Variants in PSG5 observed in about 807,000 individuals in gnomAD.
PSG5 encodes pregnancy specific beta-1-glycoprotein 5.
In PSG5, 53 loss-of-function variants were observed where a neutral mutation model predicts 37.7. The ratio of observed to expected loss-of-function variants is 1.41; its 90% CI spans 1.13 to 1.77. The LOEUF (loss-of-function observed/expected upper bound fraction) is 1.77. PSG5 is among the 40% of genes most tolerant of loss of function. PSG5 has a pLI of 0.00. For missense variants in PSG5, 547 were observed against 405.2 expected (o/e 1.35, Z -3.00); for synonymous variants, 221 against 155.4 (o/e 1.42, Z -3.14).
chr19:43,172,774 A>G (rs1450757261), intron 4 of PSG5, among the ~76,000 whole-genome samples: 2 of 151,678 alleles, frequency 1.3e-5, no homozygotes, highest in Non-Finnish European at 2.9e-5. Flanking sequence ...CATGAATTGG[A>G]AGACTCAATA....
intron 1 of PSG5, among the ~76,000 whole-genome samples, 154 bp from the exon 2 acceptor site, chr19:43,185,301 G>A (rs1966909882): frequency 6.6e-6 from 1 of 151,146 alleles, no homozygotes; most frequent in Non-Finnish European, 1.5e-5. Flanking sequence ...ATGTTAGTTT[G>A]TGTGTGTGTA....
rs372725278 is a variant in PSG5, at chr19:43,178,832, G to A, written c.431-2684C>T. 1.6e-5 allele frequency: 26 copies of A among 1,612,092 alleles called. No individual in the cohort carries two copies. In the African/African-American group the frequency reaches 3.4e-4, roughly 21 times the overall value. ...TGAGAGGCCTGGCCTCTGGCCATGT[G>A]TATTTGGGATGGCAGCCTGGCTCAC... On this transcript the variant is annotated intron_variant, in intron 2 of 5. Transcript: ENST00000342951.
intron 2 of PSG5, among the ~76,000 whole-genome samples, chr19:43,184,147 G>T (rs1240884908): frequency 6.6e-6 from 1 of 151,632 alleles, no homozygotes; most frequent in Non-Finnish European, 1.5e-5. Flanking sequence ...AAAGCAGTTG[G>T]CTGATGTCCT....
At chr19:43,172,872 C>A (rs149517958) in intron 4 of PSG5, among the ~76,000 whole-genome samples, 2,191 of 151,520 alleles carry the variant, frequency 0.014, 92 homozygotes, top group African/African-American at 0.05. Context: ...CAGAAAAAGA[C>A]AAATCTGTCC....
intron 4 of PSG5, among the ~76,000 whole-genome samples, chr19:43,173,671 T>C (rs1406497435): frequency 6.6e-6 from 1 of 151,638 alleles, no homozygotes; most frequent in Admixed American, 6.6e-5. Context: ...TCACACACTT[T>C]AGGATGGCTT....
rs1969007378 is a variant in PSG5 at position 43,176,161 on chromosome 19, C to G, written c.431-13G>C. 3 of 1,610,392 alleles carry G rather than the reference C, an allele frequency of 1.9e-6. No individual in the cohort carries two copies. The highest frequency in any genetic ancestry group is 1.1e-5 in the South Asian group (1 of 90,992). The stretch of plus-strand genomic sequence containing the variant: ...TTGGGCAGCTTCACTGTGTGGATAA[C>G]AGAGAGAAGATTGTCCTGTGTGGCA... On this transcript the variant is annotated splice_polypyrimidine_tract_variant and intron_variant, in intron 2 of 5. Coordinates refer to ENST00000342951, the MANE Select transcript of PSG5 (RefSeq NM_002781.4).
At chr19:43,182,855 T>G (rs1371561292) in intron 2 of PSG5, among the ~76,000 whole-genome samples, 1 of 148,252 alleles carries the variant, frequency 6.7e-6, no homozygotes, top group Admixed American at 6.8e-5. Flanking sequence ...CAGTGGAAGC[T>G]CATTCTCTTA....
chr19:43,172,047 A>C (rs1393971736), intron 4 of PSG5, among the ~76,000 whole-genome samples: 1 of 151,352 alleles, frequency 6.6e-6, no homozygotes, highest in Non-Finnish European at 1.5e-5. Flanking sequence ...TTCTAATAAA[A>C]TAATGATTAT....
intron 2 of PSG5, among the ~76,000 whole-genome samples, chr19:43,176,539 C>T (rs558478621): frequency 6.6e-6 from 1 of 151,538 alleles, no homozygotes; most frequent in Non-Finnish European, 1.5e-5. Context: ...CTTTGTCCCC[C>T]TATATGTGAT....
In PSG5 at chr19:43,185,007, T is replaced by G; in HGVS notation, c.205A>C (p.Lys69Gln). Reference protein sequence around the residue: ...PQNLAGYIWYKGQLMDLYHYI... With the variant: ...PQNLAGYIWYQGQLMDLYHYI... ...TGGTAGAGGTCCATCAGTTGTCCTT[T>G]GTACCAGATGTAGCCAGCAAGATTC... Residue 69 changes from lysine to glutamine, a missense_variant, in exon 2 of 6, where the codon AAA becomes CAA. Transcript: ENST00000342951. The G allele has an allele frequency of 6.2e-7, 1 of 1,612,646 alleles. No homozygotes were observed. Among genetic ancestry groups the G allele is most frequent in the Non-Finnish European group, 8.5e-7 (1 of 1,179,208 alleles).
Position 43,186,329 on chromosome 19 carries a change from G to C in PSG5, c.64+13C>G. ...TCCTCCTCCTGTCCTCTCCCAGGAA[G>C]TTCTCTCCTCACCTGTGAGCAGGAG... On this transcript the variant is annotated intron_variant, in intron 1 of 5. Transcript: ENST00000342951. 1 of 1,611,836 alleles carries C rather than the reference G, an allele frequency of 6.2e-7. No individual in the cohort carries two copies. Among genetic ancestry groups the C allele is most frequent in the South Asian group, 1.1e-5 (1 of 91,026 alleles).
chr19:43,176,325 A>T lies in PSG5; in HGVS notation c.431-177T>A, dbSNP rs149235993. 4.3e-3 allele frequency among the ~76,000 whole-genome samples: 645 copies of T among 151,700 alleles called. 25 individuals are homozygous for T. Among genetic ancestry groups the T allele is most frequent in the African/African-American group, 0.015 (623 of 41,244 alleles). On this transcript the variant is annotated intron_variant, in intron 2 of 5. Coordinates refer to ENST00000342951, the MANE Select transcript of PSG5 (RefSeq NM_002781.4). ...ATGATCTAAGGGCTCAAAGACTGTG[A>T]GGCCACCTGCTCTGTTTTAGGGAAG...
chr19:43,184,742 C>T (rs545036927), intron 2 of PSG5, 40 bp downstream of exon 2: 2 of 1,602,268 alleles, frequency 1.2e-6, no homozygotes, highest in South Asian at 1.1e-5. Context: ...AGAAATGACC[C>T]CTGTCCCCCA....
chr19:43,185,419 T>G (rs1172146165), intron 1 of PSG5, among the ~76,000 whole-genome samples: 1 of 95,994 alleles, frequency 1.0e-5, no homozygotes, highest in African/African-American at 5.0e-5. Context: ...TCCCCAGGGG[T>G]CCACACGGCA....
rs546162829 is a variant in PSG5, at chr19:43,186,497, C to T, written c.-92G>A. On this transcript the variant is annotated 5_prime_UTR_variant, in exon 1 of 6. Transcript: ENST00000342951. Reference sequence around the variant, plus strand: ...GCTGTAGGCTGTGCTGTCCTTCCTCCTTCTGTGCTGAGCCTCTCTCCAGGG... The same window carrying T: ...GCTGTAGGCTGTGCTGTCCTTCCTCTTTCTGTGCTGAGCCTCTCTCCAGGG... 2 of 1,574,798 alleles carry T rather than the reference C, an allele frequency of 1.3e-6. No homozygotes were observed. The highest frequency in any genetic ancestry group is 2.3e-5 in the South Asian group (2 of 86,594).
chr19:43,171,431 T>G (rs1006821959), intron 4 of PSG5: 8 of 170,152 alleles, frequency 4.7e-5, no homozygotes, highest in African/African-American at 7.2e-5. Context: ...AGAAGAAAGA[T>G]CTCAGGTCAA....
intron 2 of PSG5, among the ~76,000 whole-genome samples, chr19:43,182,984 C>T (rs1599754890): frequency 6.6e-6 from 1 of 150,638 alleles, no homozygotes; most frequent in Non-Finnish European, 1.5e-5. Flanking sequence ...GGGAAGGGAA[C>T]AGAACAGCCA....
At chr19:43,170,309 C>T (rs1968878305) in intron 4 of PSG5, 171 bp from the exon 5 acceptor site, 2 of 702,598 alleles carry the variant, frequency 2.8e-6, no homozygotes, top group East Asian at 4.6e-5. Flanking sequence ...TTTTTTTTTT[C>T]CCTCTCACCA....
Position 43,170,131 on chromosome 19 carries a change from T to C in PSG5, c.972A>G (p.Ser324=). ...KSMTVEVSAP[S]GIGRLPLLNP... is the part of the protein sequence containing the mutation. Reference sequence around the variant, plus strand: ...TAAGGAGAGGAAGACGTCCTATTCCTGAAGGAGCTGTCATGGAAAGAAAAG... The same window carrying C: ...TAAGGAGAGGAAGACGTCCTATTCCCGAAGGAGCTGTCATGGAAAGAAAAG... Residue 324 remains serine (S), a synonymous_variant, in exon 5 of 6, where the codon TCA becomes TCG. Coordinates refer to ENST00000342951, the MANE Select transcript of PSG5 (RefSeq NM_002781.4). 6.3e-7 allele frequency: 1 copy of C among 1,586,058 alleles called. No homozygotes were observed. Among genetic ancestry groups the C allele is most frequent in the Non-Finnish European group, 8.6e-7 (1 of 1,159,488 alleles).
Sources: gnomAD v4.1 joint callset for allele counts (sites outside exome capture counted in the v4.1 genomes callset) on GRCh38, gnomAD v4.1.1 for gene constraint, MANE v1.5 for transcripts, NCBI Gene and HGNC (gene_info 2026-07-23, HGNC 2026-07-21) for gene names.